Variants in LARGE1 observed in about 807,000 individuals in gnomAD.
The protein encoded by LARGE1 is LARGE xylosyl- and glucuronyltransferase 1.
A neutral mutation model predicts 87.6 loss-of-function variants in LARGE1; 43 were observed. The observed-to-expected ratio is 0.49, with a 90% CI of 0.38 to 0.63. LARGE1 has a LOEUF of 0.63. LARGE1 is among the 30% of genes least tolerant of loss of function. LARGE1 has a pLI of 0.00. For synonymous variants in LARGE1, 434 were observed against 394.6 expected (o/e 1.10, Z -1.18); for missense variants, 802 against 1,000.2 (o/e 0.80, Z 2.67).
At chr22:33,634,517 C>A (rs954988217) in intron 3 of LARGE1, among the ~76,000 whole-genome samples, 6 of 152,106 alleles carry the variant, frequency 3.9e-5, no homozygotes, top group Non-Finnish European at 8.8e-5. Context: ...GTAGAGAGCA[C>A]CACTTTTCTT....
intron 1 of LARGE1, among the ~76,000 whole-genome samples, chr22:33,912,700 G>A (rs777853343): frequency 6.6e-6 from 1 of 150,900 alleles, no homozygotes; most frequent in Non-Finnish European, 1.5e-5. Context: ...AGCCTTAAAC[G>A]CCCTACAGTT....
chr22:33,754,337 GTTC>G (rs1412023263), intron 2 of LARGE1, among the ~76,000 whole-genome samples: 5 of 146,966 alleles, frequency 3.4e-5, no homozygotes, highest in Non-Finnish European at 5.9e-5. Context: ...GGCTGAAAAA[GTTC>G]TTTTTTTTTT....
chr22:33,436,999 G>A (rs926083316), intron 6 of LARGE1, among the ~76,000 whole-genome samples: 131 of 151,796 alleles, frequency 8.6e-4, no homozygotes, highest in African/African-American at 3.0e-3. Flanking sequence ...TTCAATATTG[G>A]CAGGGGCGGG....
chr22:33,687,607 C>A (rs916303786), intron 2 of LARGE1, among the ~76,000 whole-genome samples: 1 of 152,136 alleles, frequency 6.6e-6, no homozygotes, highest in African/African-American at 2.4e-5. Context: ...TTGAGAGCCA[C>A]GCCAGAAGTT....
At chr22:33,586,143 AG>A (rs949320886) in intron 5 of LARGE1, among the ~76,000 whole-genome samples, 48 of 152,300 alleles carry the variant, frequency 3.2e-4, no homozygotes, top group African/African-American at 1.1e-3. Context: ...CTGCCAGTTG[AG>A]TTTTCATTTT....
Position 33,595,814 on chromosome 22 carries a change from C to T in LARGE1, c.615+8621G>A, listed in dbSNP as rs572253320. Among the ~76,000 whole-genome samples the T allele has an allele frequency of 2.0e-5, 3 of 152,326 alleles. No individual in the cohort carries two copies. The South Asian group carries it at 6.2e-4, about 32-fold the overall frequency. On this transcript the variant is annotated intron_variant, in intron 5 of 14. Coordinates refer to ENST00000397394, the MANE Select transcript of LARGE1 (RefSeq NM_133642.5). ...ACATAAATGTTACAGACCTTGCCCTCTAGGTTCCCTCTGTCTAGTAGAGAA... is the reference window on the plus strand; with the variant it reads ...ACATAAATGTTACAGACCTTGCCCTTTAGGTTCCCTCTGTCTAGTAGAGAA...
intron 2 of LARGE1, among the ~76,000 whole-genome samples, chr22:33,677,334 C>G (rs966667944): frequency 2.6e-5 from 4 of 151,224 alleles, no homozygotes; most frequent in African/African-American, 9.7e-5. Flanking sequence ...TCGAACTGGC[C>G]CAAGGAAAAA....
intron 2 of LARGE1, among the ~76,000 whole-genome samples, chr22:33,689,460 G>A (rs2082034587): frequency 6.6e-6 from 1 of 152,194 alleles, no homozygotes; most frequent in South Asian, 2.1e-4. Flanking sequence ...AACCAAACAG[G>A]CAAGGAACAG....
At chr22:33,785,552 C>G (rs568234061) in intron 1 of LARGE1, among the ~76,000 whole-genome samples, 1 of 152,188 alleles carries the variant, frequency 6.6e-6, no homozygotes, top group African/African-American at 2.4e-5. Flanking sequence ...GGAAGAAACC[C>G]AGTGCCTGGT....
chr22:33,633,338 G>C (rs574632597), intron 3 of LARGE1, among the ~76,000 whole-genome samples: 96 of 152,256 alleles, frequency 6.3e-4, no homozygotes, highest in Non-Finnish European at 1.2e-3. Context: ...GCATTTCAGT[G>C]ACCACACAAG....
intron 1 of LARGE1, among the ~76,000 whole-genome samples, chr22:33,810,690 T>A (rs1015515939): frequency 2.0e-5 from 3 of 152,012 alleles, no homozygotes; most frequent in African/African-American, 7.2e-5. Context: ...ATGAGTAGCC[T>A]GTGATGGACT....
chr22:33,787,874 C>T (rs140698457), intron 1 of LARGE1, among the ~76,000 whole-genome samples: 2 of 152,262 alleles, frequency 1.3e-5, no homozygotes, highest in East Asian at 3.9e-4. Context: ...CTGTGGTTCC[C>T]TGCTATTTAT....
rs201787188 is a variant in LARGE1, at chr22:33,277,741, T to C, written c.1878-486A>G. 4.6e-5 allele frequency among the ~76,000 whole-genome samples: 7 copies of C among 152,190 alleles called. No individual in the cohort carries two copies. The East Asian group carries it at 7.7e-4, about 17-fold the overall frequency. On this transcript the variant is annotated intron_variant, in intron 13 of 14. Transcript: ENST00000397394. ...ATTGTGAGAGAATAAATTTCTATTA[T>C]GTTAAGCCATCCAGTTTGTAGTATT...
At chr22:33,166,119 T>C (rs1446484609) in exon 12 of LARGE1, 1 of 152,222 alleles carries the variant, frequency 6.6e-6, no homozygotes, top group Non-Finnish European at 1.5e-5. Flanking sequence ...TGGAAAGAAA[T>C]TAATAAACTG....
intron 4 of LARGE1, among the ~76,000 whole-genome samples, chr22:33,621,036 T>C (rs2079734748): frequency 1.3e-5 from 2 of 152,218 alleles, no homozygotes; most frequent in Non-Finnish European, 2.9e-5. Context: ...TATGTGTACA[T>C]GTCACATATA....
chr22:33,506,069 T>C (rs2070750966), intron 6 of LARGE1, among the ~76,000 whole-genome samples: 1 of 152,090 alleles, frequency 6.6e-6, no homozygotes, highest in Non-Finnish European at 1.5e-5. Context: ...CAGCCATGAA[T>C]TCTGTGCATT....
In LARGE1 at chr22:33,547,973, C is replaced by T. The variant is rs186963932; in HGVS notation, c.787+16875G>A. ...TTTTTAATAAAGAAAATAAAGAGTC[C>T]ATCACTGCCGACCAACCCTACCCCA... is the stretch of plus-strand genomic sequence containing the variant. On this transcript the variant is annotated intron_variant, in intron 6 of 14. Transcript: ENST00000397394. Among the ~76,000 whole-genome samples the T allele has an allele frequency of 1.9e-3, 293 of 152,002 alleles. 2 individuals are homozygous for T. The highest frequency in any genetic ancestry group is 7.1e-4 in the Non-Finnish European group (48 of 67,990).
the LARGE1 span, among the ~76,000 whole-genome samples, chr22:33,148,770 G>T: frequency 6.6e-6 from 1 of 151,980 alleles, no homozygotes; most frequent in Admixed American, 6.6e-5. Flanking sequence ...TAGCTATTCT[G>T]GTAGGTGTGT....
At chr22:33,794,310 A>G (rs2085915432) in intron 1 of LARGE1, among the ~76,000 whole-genome samples, 1 of 152,206 alleles carries the variant, frequency 6.6e-6, no homozygotes, top group Non-Finnish European at 1.5e-5. Context: ...AAAGAAGGGA[A>G]CCCTGAGATC....
Sources: gnomAD v4.1 joint callset for allele counts (sites outside exome capture counted in the v4.1 genomes callset) on GRCh38, gnomAD v4.1.1 for gene constraint, MANE v1.5 for transcripts, NCBI Gene and HGNC (gene_info 2026-07-23, HGNC 2026-07-21) for gene names.